The following CCDC6 variants were observed in gnomAD, a reference collection of about 807,000 sequenced individuals.
CCDC6 encodes coiled-coil domain containing 6.
Under a neutral mutation model 56.6 loss-of-function variants are expected in CCDC6, and 20 were observed. The observed-to-expected ratio is 0.35, with a 90% confidence interval of 0.25 to 0.51. The LOEUF (loss-of-function observed/expected upper bound fraction) is 0.51, where lower values mean the gene tolerates loss of function less well. Among genes scored for constraint, CCDC6 ranks in the 20% least tolerant of loss-of-function variants. CCDC6 has a pLI of 0.95. For synonymous variants in CCDC6, 241 were observed against 234.4 expected, an observed-to-expected ratio of 1.03 and a Z score of -0.26; for missense variants, 367 against 601.1, an observed-to-expected ratio of 0.61 and a Z score of 4.07.
At chr10:59,857,765 A>G (rs2071092063) in intron 1 of CCDC6, among the ~76,000 whole-genome samples, 3 of 152,184 alleles carry the variant, frequency 2.0e-5, no homozygotes. Flanking sequence ...TGAAGCTTTA[A>G]GAGTCCAGGC....
intron 1 of CCDC6, among the ~76,000 whole-genome samples, chr10:59,882,026 C>G (rs28712465): frequency 0.76 from 38,707 of 50,998 alleles, 13,767 homozygotes; most frequent in Non-Finnish European, 0.8. Flanking sequence ...AGGAAAGCCG[C>G]GGGGAGAAGG....
At chr10:59,903,904 G>A (rs754341778) in intron 1 of CCDC6, among the ~76,000 whole-genome samples, 6 of 152,092 alleles carry the variant, frequency 3.9e-5, no homozygotes, top group South Asian at 2.1e-4. Context: ...GAGGTCAAAC[G>A]TACCACCACA....
intron 2 of CCDC6, among the ~76,000 whole-genome samples, chr10:59,843,387 C>T (rs1398248468): frequency 1.3e-5 from 2 of 152,130 alleles, no homozygotes; most frequent in Non-Finnish European, 2.9e-5. Flanking sequence ...AAATTTCAAA[C>T]GTATTGCCCT....
intron 3 of CCDC6, among the ~76,000 whole-genome samples, chr10:59,819,419 TA>T (rs1242141397): frequency 6.6e-6 from 1 of 152,198 alleles, no homozygotes; most frequent in Non-Finnish European, 1.5e-5. Flanking sequence ...GCAGAGAAGT[TA>T]GAGGAAATCA....
chr10:59,825,516 T>A (rs1015848627), intron 3 of CCDC6, among the ~76,000 whole-genome samples: 1 of 152,192 alleles, frequency 6.6e-6, no homozygotes, highest in Non-Finnish European at 1.5e-5. Flanking sequence ...ACAACCATGT[T>A]TTACAGGAGT....
intron 1 of CCDC6, among the ~76,000 whole-genome samples, chr10:59,862,187 T>G (rs2071134896): frequency 6.6e-6 from 1 of 151,938 alleles, no homozygotes; most frequent in Non-Finnish European, 1.5e-5. Flanking sequence ...AACAACTTGA[T>G]AAAGAAATAT....
chr10:59,894,176 G>C (rs536109862), intron 1 of CCDC6, among the ~76,000 whole-genome samples: 3 of 152,350 alleles, frequency 2.0e-5, no homozygotes, highest in African/African-American at 7.2e-5. Context: ...TCTGCACTGA[G>C]TAGCCAGAGT....
intron 3 of CCDC6, among the ~76,000 whole-genome samples, chr10:59,829,091 A>G (rs1402346788): frequency 6.6e-6 from 1 of 152,184 alleles, no homozygotes; most frequent in Non-Finnish European, 1.5e-5. Flanking sequence ...AAGTGTCCAT[A>G]CCAAAGGACT....
chr10:59,850,278 A>G (rs2071026609), intron 2 of CCDC6, among the ~76,000 whole-genome samples: 1 of 152,218 alleles, frequency 6.6e-6, no homozygotes. Context: ...CGGCTGCACA[A>G]CAAGCTGAAA....
At chr10:59,806,743 A>G in intron 6 of CCDC6, 179 bp downstream of exon 6, 1 of 469,920 alleles carries the variant, frequency 2.1e-6, no homozygotes, top group Admixed American at 3.7e-5. Context: ...GTGTTTAAGG[A>G]AAATGTTCAA....
intron 3 of CCDC6, among the ~76,000 whole-genome samples, chr10:59,816,962 G>A (rs1465787103): frequency 6.6e-6 from 1 of 152,146 alleles, no homozygotes; most frequent in Non-Finnish European, 1.5e-5. Context: ...AACAGTTCAA[G>A]GGCAAAAAGG....
At chr10:59,860,263 C>G (rs562149091) in intron 1 of CCDC6, among the ~76,000 whole-genome samples, 1 of 152,184 alleles carries the variant, frequency 6.6e-6, no homozygotes, top group South Asian at 2.1e-4. Context: ...CCAATGCCCC[C>G]GAGGAAAGGC....
chr10:59,844,237 C>T (rs1239803296), intron 2 of CCDC6, among the ~76,000 whole-genome samples: 1 of 151,866 alleles, frequency 6.6e-6, no homozygotes, highest in Non-Finnish European at 1.5e-5. Context: ...TATTTTGATT[C>T]CTTGTTAGCA....
At chr10:59,899,615 GC>G (rs552185890) in intron 1 of CCDC6, among the ~76,000 whole-genome samples, 138 of 152,264 alleles carry the variant, frequency 9.1e-4, no homozygotes, top group Middle Eastern at 3.4e-3. Flanking sequence ...CCTGCAATGG[GC>G]CAGAGTTGTT....
At chr10:59,820,028 A>T (rs2070738131) in intron 3 of CCDC6, among the ~76,000 whole-genome samples, 1 of 152,168 alleles carries the variant, frequency 6.6e-6, no homozygotes, top group Non-Finnish European at 1.5e-5. Flanking sequence ...TCCCAAAATA[A>T]ATTTAGAACT....
At chr10:59,882,026 CGGGGAGAAGGAAAGGAAAGCCAG>C (rs2071341581) in intron 1 of CCDC6, among the ~76,000 whole-genome samples, 16 of 51,522 alleles carry the variant, frequency 3.1e-4, no homozygotes, top group African/African-American at 1.2e-3. Flanking sequence ...AGGAAAGCCG[CGGGGAGAAGGAAAGGAAAGCCAG>C]GGGGAGAAGG....
At chr10:59,866,348 A>G (rs917720007) in intron 1 of CCDC6, among the ~76,000 whole-genome samples, 4 of 152,244 alleles carry the variant, frequency 2.6e-5, no homozygotes, top group African/African-American at 9.6e-5. Flanking sequence ...GGAAAAAGCT[A>G]AGCATTTTTA....
intron 1 of CCDC6, among the ~76,000 whole-genome samples, chr10:59,890,143 A>AT (rs2071410578): frequency 6.6e-6 from 1 of 152,218 alleles, no homozygotes; most frequent in Non-Finnish European, 1.5e-5. Flanking sequence ...AAGGCAAGGC[A>AT]TAGATAGGCC....
intron 1 of CCDC6, among the ~76,000 whole-genome samples, chr10:59,897,260 T>C (rs2071470724): frequency 6.6e-6 from 1 of 152,142 alleles, no homozygotes; most frequent in African/African-American, 2.4e-5. Context: ...AGGATAATTT[T>C]TTTTTTTTTT....
Sources: allele counts gnomAD v4.1 joint callset (sites outside exome capture counted in the v4.1 genomes callset), GRCh38; gene constraint gnomAD v4.1.1; transcripts MANE v1.5; gene names NCBI Gene and HGNC (gene_info 2026-07-23, HGNC 2026-07-21).